The following KCNIP4 variants were observed in gnomAD, a reference collection of about 807,000 sequenced individuals.
KCNIP4 encodes potassium voltage-gated channel interacting protein 4.
In KCNIP4, 12 loss-of-function variants were observed where a neutral mutation model predicts 34.0. The observed-to-expected ratio is 0.35, with a 90% CI of 0.23 to 0.57. The LOEUF is 0.57. Ranked by LOEUF, KCNIP4 falls within the 20% of genes least tolerant of loss-of-function variation. The pLI is 0.83. For missense variants in KCNIP4, 238 were observed against 311.7 expected (o/e 0.76, Z 1.78); for synonymous variants, 124 against 102.2 (o/e 1.21, Z -1.29).
chr4:21,248,681 G>T (rs978852285), intron 1 of KCNIP4, among the ~76,000 whole-genome samples: 1 of 152,120 alleles, frequency 6.6e-6, no homozygotes, highest in Non-Finnish European at 1.5e-5. Context: ...CAGAAGTGGG[G>T]TGCTCAGCAG....
intron 1 of KCNIP4, among the ~76,000 whole-genome samples, chr4:21,100,382 C>G (rs11932067): frequency 0.14 from 20,731 of 151,976 alleles, 2,236 homozygotes; most frequent in African/African-American, 0.3. Context: ...GAAACTCTGT[C>G]TCTATCAAAA....
At chr4:20,986,899 C>T (rs563619227) in intron 1 of KCNIP4, among the ~76,000 whole-genome samples, 1 of 151,728 alleles carries the variant, frequency 6.6e-6, no homozygotes, top group Non-Finnish European at 1.5e-5. Flanking sequence ...CAGCCCTTTC[C>T]TATCTGCATT....
intron 1 of KCNIP4, among the ~76,000 whole-genome samples, chr4:21,295,370 A>T (rs1763777713): frequency 1.3e-5 from 2 of 152,160 alleles, no homozygotes; most frequent in Non-Finnish European, 2.9e-5. Context: ...CGTATAAAAG[A>T]AGGTAGAATC....
At chr4:20,780,742 AG>A in intron 3 of KCNIP4, among the ~76,000 whole-genome samples, 1 of 152,288 alleles carries the variant, frequency 6.6e-6, no homozygotes, top group South Asian at 2.1e-4. Flanking sequence ...ATTAGCACGG[AG>A]AAAAGGTGAG....
intron 1 of KCNIP4, among the ~76,000 whole-genome samples, chr4:21,553,395 T>A (rs1218520800): frequency 6.6e-6 from 1 of 152,134 alleles, no homozygotes; most frequent in Non-Finnish European, 1.5e-5. Context: ...TAATTGCATA[T>A]CTTACACTCC....
At chr4:21,294,547 T>A (rs1365197572) in intron 1 of KCNIP4, among the ~76,000 whole-genome samples, 1 of 152,218 alleles carries the variant, frequency 6.6e-6, no homozygotes, top group African/African-American at 2.4e-5. Flanking sequence ...AGAATTCCTA[T>A]AATTGTGGCT....
chr4:21,440,422 A>G (rs1727358022), intron 1 of KCNIP4, among the ~76,000 whole-genome samples: 1 of 152,242 alleles, frequency 6.6e-6, no homozygotes, highest in Non-Finnish European at 1.5e-5. Flanking sequence ...TTTCTAAGTG[A>G]ACAGCTATAA....
chr4:20,825,233 T>G (rs1283863182), intron 3 of KCNIP4, among the ~76,000 whole-genome samples: 10 of 26,908 alleles, frequency 3.7e-4, no homozygotes, highest in Non-Finnish European at 1.1e-3. Context: ...ACGTTTTTTT[T>G]TTTTTTTTTT....
intron 1 of KCNIP4, among the ~76,000 whole-genome samples, chr4:21,200,964 G>T (rs1756449476): frequency 6.6e-6 from 1 of 152,116 alleles, no homozygotes; most frequent in Non-Finnish European, 1.5e-5. Flanking sequence ...CTTTGCAAAA[G>T]AAGAAACTGA....
At chr4:21,511,827 T>G (rs1734337164) in intron 1 of KCNIP4, among the ~76,000 whole-genome samples, 1 of 152,198 alleles carries the variant, frequency 6.6e-6, no homozygotes, top group African/African-American at 2.4e-5. Context: ...CTATTTTCTT[T>G]TTATATATAC....
At chr4:20,889,462 G>A (rs1356992111) in intron 1 of KCNIP4, among the ~76,000 whole-genome samples, 1 of 152,080 alleles carries the variant, frequency 6.6e-6, no homozygotes, top group Non-Finnish European at 1.5e-5. Flanking sequence ...ATTTCAAAAT[G>A]TAAGATGATT....
intron 1 of KCNIP4, among the ~76,000 whole-genome samples, chr4:21,691,663 A>G (rs1711647584): frequency 7.1e-6 from 1 of 141,106 alleles, no homozygotes; most frequent in Admixed American, 7.1e-5. Context: ...AGCTCTGATT[A>G]CCTTTAGCAA....
chr4:20,823,137 A>C (rs947756468), intron 3 of KCNIP4, among the ~76,000 whole-genome samples: 9 of 152,126 alleles, frequency 5.9e-5, no homozygotes, highest in African/African-American at 2.2e-4. Context: ...AACAATAGAA[A>C]TAAATTATGG....
intron 1 of KCNIP4, among the ~76,000 whole-genome samples, chr4:21,473,658 G>A (rs1040088909): frequency 2.0e-5 from 3 of 151,638 alleles, no homozygotes; most frequent in Admixed American, 6.6e-5. Flanking sequence ...ACTTTGTAGT[G>A]AAGCAAAGTT....
At chr4:21,431,783 C>G (rs1201779691) in intron 1 of KCNIP4, among the ~76,000 whole-genome samples, 2 of 151,494 alleles carry the variant, frequency 1.3e-5, no homozygotes, top group East Asian at 2.0e-4. Flanking sequence ...ACTGAACTAC[C>G]ACTGCCAGGA....
At chr4:21,417,648 G>A (rs1725078278) in intron 1 of KCNIP4, among the ~76,000 whole-genome samples, 1 of 152,150 alleles carries the variant, frequency 6.6e-6, no homozygotes, top group African/African-American at 2.4e-5. Flanking sequence ...TGTTACTCAA[G>A]GGAGAGAATG....
chr4:21,500,746 A>C (rs1474310881), intron 1 of KCNIP4, among the ~76,000 whole-genome samples: 1 of 152,208 alleles, frequency 6.6e-6, no homozygotes, highest in East Asian at 1.9e-4. Context: ...TGAGCTGATT[A>C]TTTAGACTTA....
intron 1 of KCNIP4, among the ~76,000 whole-genome samples, chr4:21,133,641 C>T (rs1471057101): frequency 1.6e-5 from 2 of 121,726 alleles, no homozygotes; most frequent in Admixed American, 1.5e-4. Context: ...GTAAATGCCA[C>T]TTAGTAAATG....
At chr4:21,094,037 A>T (rs183127776) in intron 1 of KCNIP4, among the ~76,000 whole-genome samples, 3 of 152,168 alleles carry the variant, frequency 2.0e-5, no homozygotes, top group African/African-American at 7.2e-5. Context: ...AGCCAAGATC[A>T]CGCCACTGTA....
Sources: gnomAD v4.1 joint callset for allele counts (sites outside exome capture counted in the v4.1 genomes callset) on GRCh38, gnomAD v4.1.1 for gene constraint, MANE v1.5 for transcripts, NCBI Gene and HGNC (gene_info 2026-07-23, HGNC 2026-07-21) for gene names.